Variants in TMEM33 observed in about 807,000 individuals in gnomAD.
TMEM33 encodes transmembrane protein 33.
A neutral mutation model predicts 29.7 loss-of-function variants in TMEM33; 16 were observed. That is an observed-to-expected ratio of 0.54 (90% CI 0.36 to 0.82). The LOEUF (loss-of-function observed/expected upper bound fraction) is 0.82. Among genes scored for constraint, TMEM33 ranks in the 40% least tolerant of loss-of-function variants. The pLI, the probability that TMEM33 is intolerant of heterozygous loss-of-function variation, is 0.00. For synonymous variants in TMEM33, 112 were observed against 109.4 expected, an observed-to-expected ratio of 1.02 and a Z score of -0.15; for missense variants, 252 against 295.3, an observed-to-expected ratio of 0.85 and a Z score of 1.08.
chr4:41,952,220 A>G (rs1392650541), intron 6 of TMEM33, among the ~76,000 whole-genome samples: 2 of 152,214 alleles, frequency 1.3e-5, no homozygotes, highest in Non-Finnish European at 1.5e-5. Flanking sequence ...TCACGAAGAC[A>G]GGAGATACAG....
In TMEM33 at chr4:41,954,332, G is replaced by A; in HGVS notation, c.*133G>A. 2.1e-6 allele frequency: 2 copies of A among 969,506 alleles called. No individual in the cohort carries two copies. The highest frequency in any genetic ancestry group is 2.8e-5 in the East Asian group (1 of 35,678). The allele number at this position is 969,506 out of a possible 1,614,324, so 60.1% of individuals were successfully genotyped here. A position where few individuals can be genotyped will look rare whatever the true frequency, so the allele number is the denominator to read the frequency against. On this transcript the variant is annotated 3_prime_UTR_variant, in exon 7 of 7. Transcript: ENST00000504986. The stretch of plus-strand genomic sequence containing the variant: ...ATAATTTACATAAATGCATCTCGGT[G>A]GAAAAATAATCATTTTCTTGGCATG...
chr4:41,942,014 C>T (rs967272568), intron 3 of TMEM33, among the ~76,000 whole-genome samples: 2 of 152,170 alleles, frequency 1.3e-5, no homozygotes, highest in African/African-American at 4.8e-5. Context: ...TACTCATTTG[C>T]CAGAGCATGA....
chr4:41,939,650 G>C, intron 3 of TMEM33: 1 of 538,414 alleles, frequency 1.9e-6, no homozygotes, highest in Non-Finnish European at 3.5e-6. Flanking sequence ...ATTCCCCTTC[G>C]AAGCACAACC....
intron 4 of TMEM33, chr4:41,944,135 G>A (rs1324202689): frequency 6.9e-6 from 2 of 289,318 alleles, no homozygotes; most frequent in Non-Finnish European, 1.3e-5. Context: ...TGTTCTGTCA[G>A]TGTTTAATTC....
intron 5 of TMEM33, among the ~76,000 whole-genome samples, chr4:41,948,467 T>C (rs1356620416): frequency 6.6e-6 from 1 of 152,140 alleles, no homozygotes; most frequent in Non-Finnish European, 1.5e-5. Context: ...GTGTAAATTT[T>C]TTTTAATGAA....
chr4:41,953,532 G>A (rs1281275543), intron 6 of TMEM33, among the ~76,000 whole-genome samples: 1 of 152,188 alleles, frequency 6.6e-6, no homozygotes, highest in Admixed American at 6.5e-5. Context: ...CTTTTGGCCT[G>A]TCTTAGCTTT....
Position 41,954,323 on chromosome 4 carries a change from CA to C in TMEM33, c.*125del, listed in dbSNP as rs1713170297. 2 of 1,026,564 alleles carry C rather than the reference CA, an allele frequency of 1.9e-6. No homozygotes were observed. The highest frequency in any genetic ancestry group is 2.6e-5 in the East Asian group (1 of 37,928). 63.6% of individuals were successfully genotyped at this position (1,026,564 alleles called of 1,614,324 possible). ...CCAATTTACATAATTTACATAAATG[CA>C]TCTCGGTGGAAAAATAATCATTTTC... On this transcript the variant is annotated 3_prime_UTR_variant, in exon 7 of 7. Coordinates refer to ENST00000504986, the MANE Select transcript of TMEM33 (RefSeq NM_018126.3).
intron 3 of TMEM33, among the ~76,000 whole-genome samples, chr4:41,940,487 G>A (rs976328030): frequency 6.6e-6 from 1 of 151,982 alleles, no homozygotes; most frequent in Admixed American, 6.6e-5. Context: ...GGAGGAAACC[G>A]AAATTTCCTG....
chr4:41,942,182 T>C (rs1712569734), intron 3 of TMEM33, among the ~76,000 whole-genome samples: 1 of 152,236 alleles, frequency 6.6e-6, no homozygotes, highest in South Asian at 2.1e-4. Flanking sequence ...TCTTTAAGGA[T>C]CGACAGAGTT....
rs1422606333 is a variant in TMEM33 at position 41,956,638 on chromosome 4, T to C, written c.*2439T>C. The stretch of plus-strand genomic sequence containing the variant: ...GTTTTAACAAAAAGCATTTTAACAT[T>C]AAAAATATTACAGTATAAAATAACA... On this transcript the variant is annotated 3_prime_UTR_variant, in exon 7 of 7. Transcript: ENST00000504986. The C allele has an allele frequency of 1.3e-5, 2 of 152,178 alleles. No homozygotes were observed. The highest frequency in any genetic ancestry group is 3.8e-4 in the East Asian group (2 of 5,200). 9.4% of individuals were successfully genotyped at this position (152,178 alleles called of 1,614,324 possible).
intron 3 of TMEM33, chr4:41,939,888 GAC>G: frequency 2.4e-6 from 1 of 423,246 alleles, no homozygotes; most frequent in South Asian, 1.7e-5. Flanking sequence ...AGAAAATAAG[GAC>G]ACACATGGAT....
rs138944207 is a variant in TMEM33, at chr4:41,954,164, G to A, written c.709G>A (p.Ala237Thr). ...GAGAAGACTTTGTCTCCAGAGCATT[G>A]CCTTTATAAGCAGATTGGCACCAAC... ...FVRRLCLQSIAFISRLAPTVP is the reference protein window; with the variant it reads ...FVRRLCLQSITFISRLAPTVP The change falls in exon 7 of 7, where the codon GCC (alanine) becomes ACC (threonine). Residue 237 changes from alanine (A) to threonine (T), a missense_variant. Ala to Thr is a moderately conservative substitution (Grantham distance 58). Transcript: ENST00000504986. 361 of 1,613,740 alleles carry A rather than the reference G, an allele frequency of 2.2e-4. No individual in the cohort carries two copies. The highest frequency in any genetic ancestry group is 6.6e-4 in the Middle Eastern group (4 of 6,084).
In TMEM33 at chr4:41,946,022, C is replaced by T. The variant is rs1274371004; in HGVS notation, c.530+1096C>T. ...GGAAAAAAAAAAGTGTTATTCTGTA[C>T]CTTTTTCCCACTTGTATGTTTTCAT... On this transcript the variant is annotated intron_variant, in intron 5 of 6. Coordinates refer to ENST00000504986, the MANE Select transcript of TMEM33 (RefSeq NM_018126.3). Among the ~76,000 whole-genome samples the T allele has an allele frequency of 1.2e-4, 18 of 147,742 alleles. No homozygotes were observed. In the East Asian group the frequency reaches 3.5e-3, roughly 29 times the overall value.
intron 3 of TMEM33, chr4:41,939,849 A>G (rs1712435401): frequency 2.2e-6 from 1 of 453,656 alleles, no homozygotes; most frequent in African/African-American, 2.0e-5. Context: ...AATCAATACA[A>G]AGAAATTAAT....
chr4:41,939,623 A>G (rs1712419954), intron 3 of TMEM33: 1 of 580,314 alleles, frequency 1.7e-6, no homozygotes, highest in Non-Finnish European at 3.2e-6. Flanking sequence ...CTTCCCTATT[A>G]GAATGGATAT....
chr4:41,938,604 A>G lies in TMEM33; in HGVS notation c.48A>G (p.Gln16=), dbSNP rs139722687. The G allele has an allele frequency of 2.2e-4, 354 of 1,613,820 alleles. No individual in the cohort carries two copies. In the African/African-American group the frequency reaches 4.3e-3, roughly 20 times the overall value. The part of the protein sequence containing the change: ...PNGPQGAGAV[Q]FMMTNKLDTA... ...AGTATTTTTCTTTTTAAATTTAGCA[A>G]TTCATGATGACCAATAAACTGGACA... Residue 16 remains glutamine, a splice_region_variant and synonymous_variant, in exon 2 of 7, where the codon CAA becomes CAG. Coordinates refer to ENST00000504986, the MANE Select transcript of TMEM33 (RefSeq NM_018126.3).
chr4:41,935,232 A>G (rs963576973), upstream of TMEM33: 18 of 581,980 alleles, frequency 3.1e-5, no homozygotes, highest in Non-Finnish European at 9.2e-6. Context: ...CTTTCTGGAA[A>G]CACCGCTTTG....
chr4:41,944,801 C>G lies in TMEM33; in HGVS notation c.405C>G (p.Gly135=), dbSNP rs1430122546. ...TYTKKVLDAR[G]SNSLPLLRSV... ...GTTTTCTTTTGTTTTAGGCAAGGGGCTCAAATAGTTTACCTCTGCTGAGAT... is the reference window on the plus strand; with the variant it reads ...GTTTTCTTTTGTTTTAGGCAAGGGGGTCAAATAGTTTACCTCTGCTGAGAT... Residue 135 remains glycine, a synonymous_variant, in exon 5 of 7, where the codon GGC becomes GGG. Transcript: ENST00000504986. 6.2e-7 allele frequency: 1 copy of G among 1,612,776 alleles called. No homozygotes were observed. Among genetic ancestry groups the G allele is most frequent in the South Asian group, 1.1e-5 (1 of 90,878 alleles).
chr4:41,939,088 A>G lies in TMEM33; in HGVS notation c.141-108A>G, dbSNP rs185314982. 8.0e-5 allele frequency: 88 copies of G among 1,094,864 alleles called. No homozygotes were observed. The African/African-American group carries it at 1.3e-3, about 16-fold the overall frequency. 67.8% of individuals were successfully genotyped at this position (1,094,864 alleles called of 1,614,324 possible). ...GAATAAGTTCATGTAATTTTTTTCT[A>G]TTGACAAGTGATTTAGGTGTTGTGC... On this transcript the variant is annotated intron_variant, in intron 2 of 6. Transcript: ENST00000504986.
Sources: gnomAD v4.1 joint callset for allele counts (sites outside exome capture counted in the v4.1 genomes callset) on GRCh38, gnomAD v4.1.1 for gene constraint, MANE v1.5 for transcripts, NCBI Gene and HGNC (gene_info 2026-07-23, HGNC 2026-07-21) for gene names.